SPOP: variants seen among roughly 807,000 people sequenced by gnomAD.
SPOP encodes speckle type BTB/POZ protein, also known as speckle-type POZ protein.
A neutral mutation model predicts 45.6 loss-of-function variants in SPOP; 11 were observed. That is an observed-to-expected ratio of 0.24 (90% CI 0.15 to 0.40). The LOEUF is 0.40. Among genes scored for constraint, SPOP ranks in the 10% least tolerant of loss-of-function variants. The probability of loss-of-function intolerance (pLI) is 1.00; values close to 1 mark genes in which losing one functional copy is unlikely to be tolerated. For missense variants in SPOP, 152 were observed against 465.6 expected (o/e 0.33, Z 6.20); for synonymous variants, 166 against 166.3 (o/e 1.00, Z 0.01).
intron 1 of SPOP, among the ~76,000 whole-genome samples, chr17:49,650,586 A>C (rs1170463368): frequency 6.6e-6 from 1 of 152,124 alleles, no homozygotes; most frequent in African/African-American, 2.4e-5. Context: ...TTTCAAAAAT[A>C]ATAATAACAA....
At chr17:49,622,524 A>C (rs1033372120) in intron 2 of SPOP, 2 of 583,516 alleles carry the variant, frequency 3.4e-6, no homozygotes, top group Non-Finnish European at 6.1e-6. Context: ...TCCCCCTTTC[A>C]ACCTCCACTG....
chr17:49,636,165 T>C (rs1209632766), intron 1 of SPOP: 2 of 152,112 alleles, frequency 1.3e-5, no homozygotes, highest in Admixed American at 6.5e-5. Flanking sequence ...ACCTGTCTAA[T>C]TTTTGTATTT....
At chr17:49,641,046 T>G (rs1202335286) in intron 1 of SPOP, among the ~76,000 whole-genome samples, 3 of 152,020 alleles carry the variant, frequency 2.0e-5, no homozygotes, top group Non-Finnish European at 4.4e-5. Flanking sequence ...GTGGATCACT[T>G]GAGGTCAGGA....
At chr17:49,615,877 G>A (rs1346518240) in intron 5 of SPOP, among the ~76,000 whole-genome samples, 1 of 152,106 alleles carries the variant, frequency 6.6e-6, no homozygotes, top group African/African-American at 2.4e-5. Context: ...GACTCCCTGG[G>A]CACTGCTTCT....
At chr17:49,665,658 A>ACG (rs1457203270) in intron 1 of SPOP, among the ~76,000 whole-genome samples, 2 of 73,608 alleles carry the variant, frequency 2.7e-5, no homozygotes, top group Non-Finnish European at 5.5e-5. Flanking sequence ...AGACACACAC[A>ACG]CACACACACA....
Position 49,619,122 on chromosome 17 carries a change from A to G in SPOP, c.353-14T>C. On this transcript the variant is annotated splice_polypyrimidine_tract_variant and intron_variant, in intron 4 of 9. Coordinates refer to ENST00000504102, the MANE Select transcript of SPOP (RefSeq NM_001007228.2). The surrounding 1 kb of genome is among the most constrained non-coding windows in gnomAD (Gnocchi z 4.9). The stretch of plus-strand genomic sequence containing the variant: ...CCCGTTGACTCTCTGGGGTGGGGAA[A>G]AAAAAAGTCATATTTAAGGTTACGC... The G allele has an allele frequency of 6.2e-7, 1 of 1,613,426 alleles. No individual in the cohort carries two copies. The highest frequency in any genetic ancestry group is 8.5e-7 in the Non-Finnish European group (1 of 1,179,758).
intron 1 of SPOP, among the ~76,000 whole-genome samples, chr17:49,629,892 T>C (rs902172524): frequency 4.6e-5 from 7 of 152,218 alleles, no homozygotes; most frequent in African/African-American, 1.2e-4. Flanking sequence ...AGGAACAAGA[T>C]TGTGAAGATA....
intron 1 of SPOP, among the ~76,000 whole-genome samples, chr17:49,658,068 A>G (rs2072938813): frequency 1.3e-5 from 2 of 152,216 alleles, no homozygotes; most frequent in Non-Finnish European, 2.9e-5. Flanking sequence ...GGCCAAATAA[A>G]GTATGATTAA....
At chr17:49,664,827 A>G (rs2073032235) in intron 1 of SPOP, among the ~76,000 whole-genome samples, 2 of 152,218 alleles carry the variant, frequency 1.3e-5, no homozygotes, top group South Asian at 4.1e-4. Context: ...GCAGAACACT[A>G]GAGTCCATAA....
At chr17:49,607,406 CA>C (rs753369032) in intron 7 of SPOP, 34 bp from the exon 8 acceptor site, 2 of 1,601,792 alleles carry the variant, frequency 1.2e-6, no homozygotes, top group South Asian at 2.2e-5. Context: ...AGAAACATTC[CA>C]ACAGAACAAA....
rs1222355149 is a variant in SPOP, at chr17:49,610,886, C to T, written c.658+394G>A. ...AAATTGAAAAGAGGGCTAACCCCTC[C>T]AGGGCTGAGGACTAGCTAGATGGCA... On this transcript the variant is annotated intron_variant, in intron 6 of 9. Transcript: ENST00000504102. Among the ~76,000 whole-genome samples, 3 of 152,120 alleles carry T rather than the reference C, an allele frequency of 2.0e-5. No homozygotes were observed. In the East Asian group the frequency reaches 5.8e-4, roughly 29 times the overall value.
At chr17:49,641,106 C>T (rs1199138695) in intron 1 of SPOP, among the ~76,000 whole-genome samples, 4 of 151,276 alleles carry the variant, frequency 2.6e-5, no homozygotes, top group African/African-American at 9.7e-5. Context: ...CTACTAAAAA[C>T]ACAAAAATCA....
chr17:49,677,324 G>C (rs1330131013), intron 1 of SPOP, among the ~76,000 whole-genome samples: 3 of 152,252 alleles, frequency 2.0e-5, no homozygotes, highest in Non-Finnish European at 4.4e-5. Flanking sequence ...AGTTTCAAAA[G>C]AAGGGTCAGT....
At chr17:49,644,560 A>G (rs1255077055) in intron 1 of SPOP, among the ~76,000 whole-genome samples, 2 of 152,194 alleles carry the variant, frequency 1.3e-5, no homozygotes, top group African/African-American at 4.8e-5. Context: ...GTAAAAAGGA[A>G]AACAATTTAA....
At chr17:49,628,044 G>A (rs1312083324) in intron 1 of SPOP, among the ~76,000 whole-genome samples, 1 of 152,182 alleles carries the variant, frequency 6.6e-6, no homozygotes, top group African/African-American at 2.4e-5. Context: ...TGCTGCAGAT[G>A]ACCAGCAGAA....
At chr17:49,617,175 A>T (rs956765616) in intron 5 of SPOP, among the ~76,000 whole-genome samples, 2 of 152,252 alleles carry the variant, frequency 1.3e-5, no homozygotes, top group African/African-American at 4.8e-5. Flanking sequence ...ATTGCCTAAC[A>T]CTGCCAGATG....
intron 1 of SPOP, among the ~76,000 whole-genome samples, chr17:49,647,772 C>T (rs974139217): frequency 1.3e-5 from 2 of 152,158 alleles, no homozygotes; most frequent in Admixed American, 6.5e-5. Flanking sequence ...TGAGCCACTG[C>T]GCCTGGCCCT....
intron 1 of SPOP, among the ~76,000 whole-genome samples, chr17:49,639,230 T>C (rs1315844268): frequency 6.6e-6 from 1 of 152,218 alleles, no homozygotes; most frequent in Non-Finnish European, 1.5e-5. Context: ...CTCCACTTTT[T>C]TTTTTAAGCT....
At chr17:49,672,279 A>T (rs1432526823) in intron 1 of SPOP, among the ~76,000 whole-genome samples, 1 of 152,240 alleles carries the variant, frequency 6.6e-6, no homozygotes, top group African/African-American at 2.4e-5. Flanking sequence ...TTAGGCAAAG[A>T]TCATTATCAT....
Sources: allele counts gnomAD v4.1 joint callset (sites outside exome capture counted in the v4.1 genomes callset), GRCh38; gene constraint gnomAD v4.1.1; non-coding constraint Gnocchi (gnomAD v3.1); transcripts MANE v1.5; gene names NCBI Gene and HGNC (gene_info 2026-07-23, HGNC 2026-07-21).